The following PARP11 variants were observed in gnomAD, a reference collection of about 807,000 sequenced individuals.
PARP11 encodes the protein poly(ADP-ribose) polymerase family member 11, also known as protein mono-ADP-ribosyltransferase PARP11.
Under a neutral mutation model 42.9 loss-of-function variants are expected in PARP11, and 31 were observed. The observed-to-expected ratio is 0.72, with a 90% CI of 0.54 to 0.98. The LOEUF is 0.98. PARP11 is among the 50% of genes least tolerant of loss of function. The pLI is 0.00. For missense variants in PARP11, 365 were observed against 413.1 expected, an observed-to-expected ratio of 0.88 and a Z score of 1.01; for synonymous variants, 137 against 127.3, an observed-to-expected ratio of 1.08 and a Z score of -0.51.
intron 1 of PARP11, among the ~76,000 whole-genome samples, chr12:3,837,161 C>T (rs1269353835): frequency 6.6e-6 from 1 of 152,138 alleles, no homozygotes; most frequent in African/African-American, 2.4e-5. Flanking sequence ...AGCTTCACTC[C>T]ACAGGTTTCC....
intron 1 of PARP11, chr12:3,832,138 T>G: frequency 1.0e-6 from 1 of 981,522 alleles, no homozygotes. Context: ...TAGGCCAGGT[T>G]ATAAATGAAA....
chr12:3,844,998 T>A (rs1947971460), intron 1 of PARP11, among the ~76,000 whole-genome samples: 1 of 152,184 alleles, frequency 6.6e-6, no homozygotes, highest in Non-Finnish European at 1.5e-5. Flanking sequence ...GAGGCAAAAG[T>A]ATAGAACTGA....
chr12:3,836,978 C>G (rs938135006), intron 1 of PARP11, among the ~76,000 whole-genome samples: 1 of 152,204 alleles, frequency 6.6e-6, no homozygotes, highest in African/African-American at 2.4e-5. Flanking sequence ...CTGTCCCTAC[C>G]TCAATCTACA....
intron 1 of PARP11, among the ~76,000 whole-genome samples, chr12:3,830,350 T>A (rs1016078102): frequency 5.3e-5 from 8 of 152,246 alleles, no homozygotes; most frequent in African/African-American, 1.9e-4. Flanking sequence ...TATGCTCATG[T>A]ATTTGGTCAA....
intron 1 of PARP11, among the ~76,000 whole-genome samples, chr12:3,843,707 G>A (rs1478076319): frequency 6.6e-6 from 1 of 152,176 alleles, no homozygotes; most frequent in African/African-American, 2.4e-5. Context: ...CCCTTTGCAT[G>A]TTGTACTCTG....
chr12:3,815,021 A>G (rs547880057), intron 6 of PARP11: 45 of 456,466 alleles, frequency 9.9e-5, no homozygotes, highest in Non-Finnish European at 1.9e-4. Context: ...GAAGGAGAGT[A>G]GGACAGGGAT....
chr12:3,836,046 T>TAC (rs889127983), intron 1 of PARP11, among the ~76,000 whole-genome samples: 1 of 151,776 alleles, frequency 6.6e-6, no homozygotes, highest in Non-Finnish European at 1.5e-5. Flanking sequence ...TATATATATA[T>TAC]ACACACACTC....
At chr12:3,819,162 AG>A (rs1041662862) in intron 6 of PARP11, among the ~76,000 whole-genome samples, 9 of 152,288 alleles carry the variant, frequency 5.9e-5, no homozygotes, top group Middle Eastern at 6.8e-3. Flanking sequence ...AAAACTTGGG[AG>A]TTATCTTTCT....
chr12:3,823,037 T>C (rs1947433179), intron 4 of PARP11, among the ~76,000 whole-genome samples: 1 of 152,152 alleles, frequency 6.6e-6, no homozygotes, highest in South Asian at 2.1e-4. Context: ...CCGATGTGAA[T>C]ACAGAAAAAC....
At chr12:3,829,701 G>A (rs1016571742) in intron 2 of PARP11, among the ~76,000 whole-genome samples, 189 bp downstream of exon 2, 2 of 152,194 alleles carry the variant, frequency 1.3e-5, no homozygotes, top group Non-Finnish European at 2.9e-5. Context: ...CTAAATAAAT[G>A]AGTGTGAAAA....
intron 3 of PARP11, among the ~76,000 whole-genome samples, chr12:3,826,512 T>C (rs1947530092): frequency 1.3e-5 from 2 of 152,350 alleles, no homozygotes; most frequent in Middle Eastern, 6.8e-3. Flanking sequence ...ATTCCCCTTC[T>C]GTATCACACT....
At chr12:3,871,274 T>C (rs908596836) in intron 1 of PARP11, among the ~76,000 whole-genome samples, 6 of 152,224 alleles carry the variant, frequency 3.9e-5, no homozygotes, top group Non-Finnish European at 7.3e-5. Flanking sequence ...ATAGGAGTAG[T>C]TTCTTATGTT....
chr12:3,833,938 G>A (rs142769901), intron 1 of PARP11, among the ~76,000 whole-genome samples: 2 of 152,278 alleles, frequency 1.3e-5, no homozygotes, highest in African/African-American at 2.4e-5. Flanking sequence ...CTTCAGCCCA[G>A]AGGTGTAGAA....
At chr12:3,872,558 G>C (rs968469708) in intron 1 of PARP11, 2 of 985,338 alleles carry the variant, frequency 2.0e-6, no homozygotes, top group Non-Finnish European at 2.4e-6. Context: ...AAATGCTCCA[G>C]ATCACTTTGT....
At chr12:3,830,233 T>C (rs1947608355) in intron 1 of PARP11, among the ~76,000 whole-genome samples, 1 of 152,184 alleles carries the variant, frequency 6.6e-6, no homozygotes, top group Non-Finnish European at 1.5e-5. Flanking sequence ...GTAATAATAA[T>C]CTTAGGTAGA....
chr12:3,868,387 G>A (rs1487833386), intron 1 of PARP11, among the ~76,000 whole-genome samples: 8 of 152,098 alleles, frequency 5.3e-5, no homozygotes, highest in Non-Finnish European at 7.4e-5. Flanking sequence ...TTGAACCCAG[G>A]AGGCAGAGGT....
At chr12:3,830,665 A>G (rs897673554) in intron 1 of PARP11, among the ~76,000 whole-genome samples, 2 of 152,156 alleles carry the variant, frequency 1.3e-5, no homozygotes, top group Non-Finnish European at 2.9e-5. Context: ...TAACCTTTAT[A>G]TTACTTACTA....
intron 1 of PARP11, among the ~76,000 whole-genome samples, chr12:3,863,001 T>G (rs1948324882): frequency 6.6e-6 from 1 of 152,232 alleles, no homozygotes; most frequent in Non-Finnish European, 1.5e-5. Flanking sequence ...TTCCAACCCA[T>G]GAATAAATTA....
intron 1 of PARP11, among the ~76,000 whole-genome samples, chr12:3,834,666 A>AGTG (rs1947720614): frequency 6.6e-6 from 1 of 151,484 alleles, no homozygotes; most frequent in African/African-American, 2.4e-5. Flanking sequence ...GAAAGAAAAC[A>AGTG]GTGGAAATAT....
Sources: allele counts gnomAD v4.1 joint callset (sites outside exome capture counted in the v4.1 genomes callset), GRCh38; gene constraint gnomAD v4.1.1; transcripts MANE v1.5; gene names NCBI Gene and HGNC (gene_info 2026-07-23, HGNC 2026-07-21).